Variants in PRKAR2B observed in about 807,000 individuals in gnomAD.
The protein encoded by PRKAR2B is cAMP-dependent protein kinase type II-beta regulatory subunit.
A neutral mutation model predicts 49.9 loss-of-function variants in PRKAR2B; 14 were observed. The ratio of observed to expected loss-of-function variants is 0.28; its 90% CI spans 0.19 to 0.44. The LOEUF (loss-of-function observed/expected upper bound fraction) is 0.44. Among genes scored for constraint, PRKAR2B ranks in the 20% least tolerant of loss-of-function variants. The pLI, the probability that PRKAR2B is intolerant of heterozygous loss-of-function variation, is 1.00. For synonymous variants in PRKAR2B, 196 were observed against 197.7 expected, an observed-to-expected ratio of 0.99 and a Z score of 0.07; for missense variants, 393 against 537.9, an observed-to-expected ratio of 0.73 and a Z score of 2.67.
At chr7:107,054,902 G>A (rs1793879624) in intron 1 of PRKAR2B, among the ~76,000 whole-genome samples, 1 of 152,088 alleles carries the variant, frequency 6.6e-6, no homozygotes, top group African/African-American at 2.4e-5. Context: ...ATGTTGGTGT[G>A]CTACACCCAT....
At chr7:107,110,928 C>T (rs1795158854) in intron 2 of PRKAR2B, among the ~76,000 whole-genome samples, 2 of 152,170 alleles carry the variant, frequency 1.3e-5, no homozygotes, top group Admixed American at 1.3e-4. Context: ...ACCTTAGGTA[C>T]TAGCTCAGCC....
intron 2 of PRKAR2B, among the ~76,000 whole-genome samples, chr7:107,101,630 C>T (rs577498118): frequency 1.3e-5 from 2 of 152,288 alleles, no homozygotes; most frequent in South Asian, 4.1e-4. Context: ...TTCTACCCTT[C>T]CTGCTTGTTT....
intron 2 of PRKAR2B, among the ~76,000 whole-genome samples, chr7:107,111,741 T>C (rs1178265311): frequency 6.6e-6 from 1 of 152,078 alleles, no homozygotes; most frequent in Non-Finnish European, 1.5e-5. Context: ...TCAAATTACT[T>C]GATGAGCACT....
chr7:107,095,902 T>G (rs1794827645), intron 2 of PRKAR2B, among the ~76,000 whole-genome samples: 1 of 152,252 alleles, frequency 6.6e-6, no homozygotes, highest in Non-Finnish European at 1.5e-5. Flanking sequence ...GGATTCAGTT[T>G]GCGAGTATTT....
At chr7:107,144,742 G>A (rs1416687343) in intron 5 of PRKAR2B, among the ~76,000 whole-genome samples, 1 of 150,314 alleles carries the variant, frequency 6.7e-6, no homozygotes, top group African/African-American at 2.4e-5. Context: ...ACAGGCATGA[G>A]GTACCAGGCC....
intron 5 of PRKAR2B, among the ~76,000 whole-genome samples, chr7:107,143,514 C>T (rs1032415248): frequency 6.6e-6 from 1 of 152,216 alleles, no homozygotes; most frequent in Non-Finnish European, 1.5e-5. Context: ...GGGGATGCTA[C>T]TATGCTGCTT....
In PRKAR2B at chr7:107,153,271, A is replaced by G. The variant is rs1012854442; in HGVS notation, c.918+20A>G. On this transcript the variant is annotated intron_variant, in intron 8 of 10. Transcript: ENST00000265717. ...GCTCAGGTATGATATTTTGAAATGT[A>G]ATTCAGTTTAGGGTTATATTCCAAA... 7.0e-6 allele frequency: 11 copies of G among 1,572,280 alleles called. No individual in the cohort carries two copies. The highest frequency in any genetic ancestry group is 4.6e-5 in the East Asian group (2 of 43,922).
At chr7:107,122,035 A>C in intron 3 of PRKAR2B, 31 bp downstream of exon 3, 1 of 1,433,546 alleles carries the variant, frequency 7.0e-7, no homozygotes, top group Non-Finnish European at 9.6e-7. Context: ...ATGAATTTTA[A>C]ATTGATGCCC....
chr7:107,128,052 C>T (rs3729871), intron 3 of PRKAR2B, among the ~76,000 whole-genome samples, 160 bp from the exon 4 acceptor site: 1,896 of 152,318 alleles, frequency 0.012, 15 homozygotes, highest in Non-Finnish European at 0.019. Flanking sequence ...CATAAGTTAC[C>T]AGTCACCAAA....
intron 2 of PRKAR2B, among the ~76,000 whole-genome samples, chr7:107,103,521 A>C: frequency 6.6e-6 from 1 of 152,212 alleles, no homozygotes; most frequent in Admixed American, 6.5e-5. Flanking sequence ...ACATGCAGGA[A>C]GTCTAGAAGC....
chr7:107,128,290 G>GA lies in PRKAR2B; in HGVS notation c.476dup (p.Asp159GlufsTer14). 1 of 1,602,848 alleles carries GA rather than the reference G, an allele frequency of 6.2e-7. No homozygotes were observed. Among genetic ancestry groups the GA allele is most frequent in the Non-Finnish European group, 8.5e-7 (1 of 1,169,938 alleles). ...AGACATCCTGCTGTTTAAGAATCTG[G>GA]ATCCGGTAAGATAAATCTTAATAAT... On this transcript the variant is annotated frameshift_variant, in exon 4 of 11. Transcript: ENST00000265717. LOFTEE classifies it high-confidence loss of function.
At chr7:107,083,862 C>T (rs533410091) in intron 2 of PRKAR2B, among the ~76,000 whole-genome samples, 7 of 152,254 alleles carry the variant, frequency 4.6e-5, no homozygotes, top group African/African-American at 1.2e-4. Context: ...CCACCTGCCT[C>T]AGCCTCCCAA....
intron 2 of PRKAR2B, among the ~76,000 whole-genome samples, chr7:107,094,917 G>T (rs753853166): frequency 1.8e-4 from 28 of 152,028 alleles, no homozygotes; most frequent in African/African-American, 6.0e-4. Flanking sequence ...GGCCTTGTAG[G>T]ATAGTTTGAA....
chr7:107,051,471 G>A (rs1016893089), intron 1 of PRKAR2B, among the ~76,000 whole-genome samples: 1 of 152,072 alleles, frequency 6.6e-6, no homozygotes, highest in African/African-American at 2.4e-5. Context: ...TCTAGTTGTG[G>A]TTGGGACAGT....
At chr7:107,083,387 A>T (rs925077799) in intron 2 of PRKAR2B, among the ~76,000 whole-genome samples, 1 of 151,724 alleles carries the variant, frequency 6.6e-6, no homozygotes, top group South Asian at 2.1e-4. Context: ...GATGGTGATG[A>T]TGACAACAAT....
chr7:107,126,915 C>T (rs1006813225), intron 3 of PRKAR2B, among the ~76,000 whole-genome samples: 1 of 152,116 alleles, frequency 6.6e-6, no homozygotes, highest in Non-Finnish European at 1.5e-5. Flanking sequence ...TTACATCTAC[C>T]TTACCCTTAG....
chr7:107,064,444 G>A (rs1472063375), intron 1 of PRKAR2B, among the ~76,000 whole-genome samples: 1 of 152,168 alleles, frequency 6.6e-6, no homozygotes, highest in Admixed American at 6.5e-5. Flanking sequence ...TAATCCACGT[G>A]TCTGAGTGGG....
intron 1 of PRKAR2B, among the ~76,000 whole-genome samples, chr7:107,049,222 A>G (rs1793756574): frequency 6.6e-6 from 1 of 152,258 alleles, no homozygotes; most frequent in African/African-American, 2.4e-5. Context: ...ACTCTGATAA[A>G]TGGACAAGTG....
intron 4 of PRKAR2B, among the ~76,000 whole-genome samples, chr7:107,130,596 G>T (rs767694129): frequency 5.9e-5 from 9 of 152,184 alleles, no homozygotes; most frequent in Non-Finnish European, 1.2e-4. Context: ...CAGTAGTTCA[G>T]AGTGGCCCTG....
Sources: allele counts gnomAD v4.1 joint callset (sites outside exome capture counted in the v4.1 genomes callset), GRCh38; gene constraint gnomAD v4.1.1; transcripts MANE v1.5; gene names NCBI Gene and HGNC (gene_info 2026-07-23, HGNC 2026-07-21).